The following CPNE4 variants were observed in gnomAD, a reference collection of about 807,000 sequenced individuals.
CPNE4 encodes copine-4.
In CPNE4, 25 loss-of-function variants were observed where a neutral mutation model predicts 67.9. The observed-to-expected ratio is 0.37, with a 90% CI of 0.27 to 0.51. The LOEUF is 0.51. Among genes scored for constraint, CPNE4 ranks in the 20% least tolerant of loss-of-function variants. CPNE4 has a pLI of 0.93. For missense variants in CPNE4, 464 were observed against 690.8 expected, an observed-to-expected ratio of 0.67 and a Z score of 3.68; for synonymous variants, 242 against 244.9, an observed-to-expected ratio of 0.99 and a Z score of 0.11.
chr3:131,959,321 A>G (rs1299339760), intron 1 of CPNE4, among the ~76,000 whole-genome samples: 2 of 149,964 alleles, frequency 1.3e-5, no homozygotes, highest in Non-Finnish European at 3.0e-5. Context: ...CTAAGTTTCA[A>G]TTATCCTATA....
At position 131,766,426 on chromosome 3, in the gene CPNE4, A is replaced by G. The variant is rs372534993; in HGVS notation, c.181-42801T>C. ...CAAAGATGTCATTATGGTATTATTT[A>G]TAACAGAAATAGATAGTGTGGTGCT... On this transcript the variant is annotated intron_variant, in intron 2 of 15. Transcript: ENST00000429747. Among the ~76,000 whole-genome samples, 11 of 152,288 alleles carry G rather than the reference A, an allele frequency of 7.2e-5. No homozygotes were observed. The East Asian group carries it at 1.7e-3, about 24-fold the overall frequency.
At chr3:131,630,974 G>A (rs756750274) in intron 7 of CPNE4, among the ~76,000 whole-genome samples, 6 of 152,144 alleles carry the variant, frequency 3.9e-5, no homozygotes, top group Admixed American at 6.6e-5. Context: ...CCTCAGCTTC[G>A]AGAGAAGTCT....
intron 1 of CPNE4, among the ~76,000 whole-genome samples, chr3:132,005,366 C>CATATATATATATATAT: frequency 1.2e-5 from 1 of 81,576 alleles, no homozygotes; most frequent in East Asian, 2.3e-4. Flanking sequence ...CACACACACA[C>CATATATATATATATAT]ACACACATAT....
intron 1 of CPNE4, among the ~76,000 whole-genome samples, chr3:131,907,955 GT>G (rs1308936182): frequency 6.6e-6 from 1 of 152,080 alleles, no homozygotes; most frequent in Non-Finnish European, 1.5e-5. Flanking sequence ...TGGGACATTT[GT>G]TTTTTACAGA....
At chr3:131,677,499 C>A (rs2080611345) in intron 6 of CPNE4, among the ~76,000 whole-genome samples, 1 of 152,116 alleles carries the variant, frequency 6.6e-6, no homozygotes, top group Non-Finnish European at 1.5e-5. Flanking sequence ...ATTATGAAAT[C>A]TTTGCCCATG....
intron 1 of CPNE4, among the ~76,000 whole-genome samples, chr3:131,988,288 C>T (rs550174907): frequency 1.1e-4 from 16 of 152,186 alleles, no homozygotes; most frequent in African/African-American, 2.2e-4. Flanking sequence ...ATATAGGGGC[C>T]GGAGAAAGCA....
chr3:131,857,492 G>A (rs891050398), intron 2 of CPNE4, among the ~76,000 whole-genome samples: 20 of 150,796 alleles, frequency 1.3e-4, no homozygotes, highest in African/African-American at 4.8e-4. Context: ...GCAATGAACT[G>A]GGAACTACTA....
At chr3:131,666,560 C>G (rs772279595) in intron 7 of CPNE4, among the ~76,000 whole-genome samples, 1 of 152,074 alleles carries the variant, frequency 6.6e-6, no homozygotes, top group Non-Finnish European at 1.5e-5. Flanking sequence ...CTTGAAGAAG[C>G]TTTTATTGGC....
chr3:131,814,718 C>G (rs1471003109), intron 2 of CPNE4, among the ~76,000 whole-genome samples: 1 of 140,000 alleles, frequency 7.1e-6, no homozygotes. Flanking sequence ...CATTCTCCTG[C>G]CTCAGCCTCC....
intron 3 of CPNE4, among the ~76,000 whole-genome samples, chr3:131,721,202 G>C (rs139813621): frequency 1.3e-5 from 2 of 152,184 alleles, no homozygotes; most frequent in East Asian, 3.9e-4. Flanking sequence ...GCTCACCACA[G>C]TGTCACTGGC....
chr3:131,756,335 A>G (rs2082749767), intron 2 of CPNE4, among the ~76,000 whole-genome samples: 1 of 152,160 alleles, frequency 6.6e-6, no homozygotes, highest in Non-Finnish European at 1.5e-5. Flanking sequence ...TTCCAATTTT[A>G]CCATATGAAT....
At chr3:132,021,767 G>A (rs912544759) in intron 1 of CPNE4, among the ~76,000 whole-genome samples, 1 of 152,130 alleles carries the variant, frequency 6.6e-6, no homozygotes, top group African/African-American at 2.4e-5. Context: ...CCCATTCATA[G>A]AAGTTAAAAA....
At chr3:131,611,756 A>G (rs1046509171) in intron 7 of CPNE4, among the ~76,000 whole-genome samples, 5 of 151,948 alleles carry the variant, frequency 3.3e-5, no homozygotes, top group African/African-American at 1.2e-4. Context: ...ATTTAAAACT[A>G]GCAATTTGCA....
At chr3:131,672,963 C>T (rs533749618) in intron 6 of CPNE4, among the ~76,000 whole-genome samples, 20 of 152,050 alleles carry the variant, frequency 1.3e-4, no homozygotes, top group African/African-American at 4.6e-4. Context: ...AGTATTTTCA[C>T]AGTTCGAAGT....
intron 1 of CPNE4, among the ~76,000 whole-genome samples, chr3:132,005,090 A>G (rs1383141468): frequency 6.6e-6 from 1 of 151,696 alleles, no homozygotes; most frequent in East Asian, 1.9e-4. Flanking sequence ...ATAAAACAGA[A>G]ACAGCACCCA....
chr3:131,725,335 G>T (rs1001681550), intron 2 of CPNE4, among the ~76,000 whole-genome samples: 1 of 152,122 alleles, frequency 6.6e-6, no homozygotes, highest in African/African-American at 2.4e-5. Flanking sequence ...GCCATTATTG[G>T]TTGGATGGAC....
At chr3:131,791,581 A>G (rs2083722005) in intron 2 of CPNE4, among the ~76,000 whole-genome samples, 1 of 152,200 alleles carries the variant, frequency 6.6e-6, no homozygotes, top group South Asian at 2.1e-4. Context: ...AGTGCTGACA[A>G]GCTTACTTTA....
intron 2 of CPNE4, among the ~76,000 whole-genome samples, chr3:131,891,296 T>C (rs1020672775): frequency 4.6e-5 from 7 of 152,034 alleles, no homozygotes; most frequent in Admixed American, 4.6e-4. Context: ...AGAAATAAAA[T>C]TTAGGTATGT....
chr3:132,007,981 C>T (rs6803117), intron 1 of CPNE4, among the ~76,000 whole-genome samples: 5,740 of 152,190 alleles, frequency 0.038, 350 homozygotes, highest in African/African-American at 0.13. Flanking sequence ...GGCTGGAATA[C>T]ATTGTGCATG....
Sources: allele counts gnomAD v4.1 joint callset (sites outside exome capture counted in the v4.1 genomes callset), GRCh38; gene constraint gnomAD v4.1.1; transcripts MANE v1.5; gene names NCBI Gene and HGNC (gene_info 2026-07-23, HGNC 2026-07-21).